MMS22L: variants seen among roughly 807,000 people sequenced by gnomAD.
MMS22L encodes the protein protein MMS22-like.
Under a neutral mutation model 159.1 loss-of-function variants are expected in MMS22L, and 74 were observed. The ratio of observed to expected loss-of-function variants is 0.47; its 90% confidence interval spans 0.39 to 0.56. The LOEUF is 0.56. Ranked by LOEUF, MMS22L falls within the 20% of genes least tolerant of loss-of-function variation. MMS22L has a pLI of 0.00. For synonymous variants in MMS22L, 517 were observed against 506.9 expected, an observed-to-expected ratio of 1.02 and a Z score of -0.27; for missense variants, 1,351 against 1,422.1, an observed-to-expected ratio of 0.95 and a Z score of 0.80.
At chr6:97,264,407 A>C (rs1029384480) in intron 8 of MMS22L, 1 of 152,134 alleles carries the variant, frequency 6.6e-6, no homozygotes, top group Non-Finnish European at 1.5e-5. Context: ...TAGATAATGC[A>C]CAGAATGTAC....
chr6:97,228,723 A>G (rs1810518549), intron 14 of MMS22L, among the ~76,000 whole-genome samples, 171 bp downstream of exon 14: 1 of 152,214 alleles, frequency 6.6e-6, no homozygotes, highest in Non-Finnish European at 1.5e-5. Context: ...TAGTACACGG[A>G]TATATTCAAC....
rs764036237 is a variant in MMS22L, at chr6:97,162,040, C to T, written c.3347G>A (p.Gly1116Asp). ...DIYEVELLLPGILKCLVLVSE... is the reference protein window; with the variant it reads ...DIYEVELLLPDILKCLVLVSE... Reference sequence around the variant, plus strand: ...GACTAACACCAAGCATTTTAAAATGCCAGGGAGGAGTAGTTCAACTTCATA... The same window carrying T: ...GACTAACACCAAGCATTTTAAAATGTCAGGGAGGAGTAGTTCAACTTCATA... The change falls in exon 22 of 25, where the codon GGC becomes GAC. Residue 1116 changes from glycine to aspartate, a missense_variant. By Grantham distance (94) the Gly-to-Asp change is moderately conservative. Transcript: ENST00000683635. 3.1e-6 allele frequency: 5 copies of T among 1,611,324 alleles called. No individual in the cohort carries two copies. In the Admixed American group the frequency reaches 6.7e-5, roughly 22 times the overall value.
chr6:97,151,566 C>G, intron 23 of MMS22L: 1 of 485,424 alleles, frequency 2.1e-6, no homozygotes, highest in South Asian at 2.4e-5. Context: ...AATTTTAAGT[C>G]CCCTCACTTA....
At position 97,142,737 on chromosome 6, in the gene MMS22L, A is replaced by T. The variant is rs1011969460; in HGVS notation, c.*4069T>A. The stretch of plus-strand genomic sequence containing the variant: ...AACTGTAGAAGCTTGTCAAATTTTT[A>T]TATAACATACAATTTTTAACTGTCA... On this transcript the variant is annotated 3_prime_UTR_variant, in exon 25 of 25. Coordinates refer to ENST00000683635, the MANE Select transcript of MMS22L (RefSeq NM_001350599.2). 6.6e-6 allele frequency: 1 copy of T among 152,146 alleles called. No individual in the cohort carries two copies. The highest frequency in any genetic ancestry group is 6.5e-5 in the Admixed American group (1 of 15,274). 9.4% of individuals were successfully genotyped at this position (152,146 alleles called of 1,614,324 possible). A position where few individuals can be genotyped will look rare whatever the true frequency, so the allele number is the denominator to read the frequency against.
Position 97,145,242 on chromosome 6 carries a change from T to C in MMS22L, c.*1564A>G, listed in dbSNP as rs998227305. 1 of 152,212 alleles carries C rather than the reference T, an allele frequency of 6.6e-6. No homozygotes were observed. The highest frequency in any genetic ancestry group is 1.5e-5 in the Non-Finnish European group (1 of 68,024). The allele number at this position is 152,212 out of a possible 1,614,324, so 9.4% of individuals were successfully genotyped here. On this transcript the variant is annotated 3_prime_UTR_variant, in exon 25 of 25. Coordinates refer to ENST00000683635, the MANE Select transcript of MMS22L (RefSeq NM_001350599.2). ...TAAACAGCCTTAAGCTTTCATTTAT[T>C]CCCTTTGATGAAGCTGATTTGAGAG...
chr6:97,182,062 CA>C lies in MMS22L; in HGVS notation c.2234-9del. 1.3e-6 allele frequency: 2 copies of C among 1,599,146 alleles called. No homozygotes were observed. The highest frequency in any genetic ancestry group is 1.7e-6 in the Non-Finnish European group (2 of 1,174,090). ...TTGCTAGCAAAGTAAAGTCTAGATTCAAAATGAGAGAAACTTAAAGTCAGGA... is the reference window on the plus strand; with the variant it reads ...TTGCTAGCAAAGTAAAGTCTAGATTCAAATGAGAGAAACTTAAAGTCAGGA... On this transcript the variant is annotated splice_polypyrimidine_tract_variant and intron_variant, in intron 15 of 24. Transcript: ENST00000683635.
At chr6:97,190,106 G>A (rs1370718688) in intron 14 of MMS22L, among the ~76,000 whole-genome samples, 1 of 152,162 alleles carries the variant, frequency 6.6e-6, no homozygotes, top group East Asian at 1.9e-4. Context: ...TATATTAGAT[G>A]TGACCACTGC....
chr6:97,247,437 A>G (rs1206127024), intron 10 of MMS22L, among the ~76,000 whole-genome samples: 1 of 152,194 alleles, frequency 6.6e-6, no homozygotes, highest in Non-Finnish European at 1.5e-5. Flanking sequence ...ACGGTATAAA[A>G]AGTAATCATG....
chr6:97,207,725 A>G (rs1807934542), intron 14 of MMS22L, among the ~76,000 whole-genome samples: 1 of 152,164 alleles, frequency 6.6e-6, no homozygotes. Context: ...CAACAAATAC[A>G]TAGTCAACTT....
At chr6:97,270,052 T>C (rs546514717) in intron 6 of MMS22L, 60 bp from the exon 7 acceptor site, 18 of 1,326,514 alleles carry the variant, frequency 1.4e-5, no homozygotes, top group Non-Finnish European at 1.7e-5. Context: ...AGGTATTTCA[T>C]AGCATGTCAC....
At chr6:97,173,966 A>C (rs139944181) in intron 18 of MMS22L, among the ~76,000 whole-genome samples, 128 of 121,760 alleles carry the variant, frequency 1.1e-3, no homozygotes, top group Non-Finnish European at 1.7e-3. Flanking sequence ...AAGTTTAAGG[A>C]AAGTGGCCGG....
At chr6:97,211,312 T>C (rs761315342) in intron 14 of MMS22L, among the ~76,000 whole-genome samples, 1 of 152,072 alleles carries the variant, frequency 6.6e-6, no homozygotes, top group Non-Finnish European at 1.5e-5. Context: ...ACATACGTAA[T>C]GTATAGAAGA....
chr6:97,189,536 G>T (rs1022141183), intron 14 of MMS22L, among the ~76,000 whole-genome samples: 2 of 111,248 alleles, frequency 1.8e-5, no homozygotes, highest in African/African-American at 7.0e-5. Context: ...CTGGGCAACA[G>T]CGAGACTCTG....
intron 22 of MMS22L, 69 bp downstream of exon 22, chr6:97,161,933 T>C (rs959900553): frequency 9.0e-6 from 13 of 1,450,578 alleles, no homozygotes; most frequent in Admixed American, 2.1e-5. Flanking sequence ...ATCCATTAAA[T>C]TGAGGGGAAA....
intron 14 of MMS22L, among the ~76,000 whole-genome samples, chr6:97,217,144 A>G (rs150109479): frequency 6.6e-6 from 1 of 152,182 alleles, no homozygotes; most frequent in East Asian, 1.9e-4. Context: ...AATTTTGGTA[A>G]TAACTATAAA....
chr6:97,212,373 A>T (rs966107759), intron 14 of MMS22L, among the ~76,000 whole-genome samples: 1 of 152,232 alleles, frequency 6.6e-6, no homozygotes, highest in East Asian at 1.9e-4. Flanking sequence ...TTATGTACTT[A>T]AAGCATAAAT....
At chr6:97,272,493 G>C in intron 6 of MMS22L, 1 of 467,078 alleles carries the variant, frequency 2.1e-6, no homozygotes, top group South Asian at 4.1e-5. Flanking sequence ...AATGATTCTG[G>C]TAAGTTGTAA....
chr6:97,260,727 G>T (rs1004145508), intron 9 of MMS22L: 8 of 152,074 alleles, frequency 5.3e-5, no homozygotes, highest in Admixed American at 3.3e-4. Flanking sequence ...GTTTATAATG[G>T]TCTAGTTTCA....
chr6:97,245,273 A>G (rs1392218376), intron 11 of MMS22L, among the ~76,000 whole-genome samples: 1 of 152,164 alleles, frequency 6.6e-6, no homozygotes, highest in Non-Finnish European at 1.5e-5. Flanking sequence ...ACATGGGTCA[A>G]TGAGAAAGCA....
Sources: allele counts gnomAD v4.1 joint callset (sites outside exome capture counted in the v4.1 genomes callset), GRCh38; gene constraint gnomAD v4.1.1; transcripts MANE v1.5; gene names NCBI Gene and HGNC (gene_info 2026-07-23, HGNC 2026-07-21).